The following TCF12 variants were observed in gnomAD, a reference collection of about 807,000 sequenced individuals.
TCF12 encodes the protein DNA-binding protein HTF4.
TCF12 carries 45 observed loss-of-function variants against 86.0 expected under a neutral mutation model. The ratio of observed to expected loss-of-function variants is 0.52; its 90% CI spans 0.41 to 0.67. The LOEUF is 0.67. Among genes scored for constraint, TCF12 ranks in the 30% least tolerant of loss-of-function variants. The probability of loss-of-function intolerance (pLI) is 0.00; values close to 1 mark genes in which losing one functional copy is unlikely to be tolerated. For synonymous variants in TCF12, 330 were observed against 299.6 expected (o/e 1.10, Z -1.05); for missense variants, 881 against 859.9 (o/e 1.02, Z -0.31).
intron 5 of TCF12, among the ~76,000 whole-genome samples, chr15:57,142,304 T>TATAGATTTATAGATAGATAGATAG (rs2053029071): frequency 6.7e-6 from 1 of 149,612 alleles, no homozygotes; most frequent in Admixed American, 6.7e-5. Flanking sequence ...CTCACACTTT[T>TATAGATTTATAGATAGATAGATAG]ATAGATAGAT....
rs772437682 is a variant in TCF12, at chr15:57,205,025, C to T, written c.579+7200C>T. 3.9e-5 allele frequency among the ~76,000 whole-genome samples: 6 copies of T among 151,954 alleles called. No homozygotes were observed. The East Asian group carries it at 5.8e-4, about 15-fold the overall frequency. On this transcript the variant is annotated intron_variant, in intron 8 of 20. Coordinates refer to ENST00000333725, the MANE Select transcript of TCF12 (RefSeq NM_207037.2). ...CAGAGTGTGTTTATAGGCAATTATC[C>T]GGCCCGGCCAGGCGCAGTGGCTCTC...
chr15:57,130,421 T>C (rs2052017205), intron 5 of TCF12, among the ~76,000 whole-genome samples: 1 of 152,190 alleles, frequency 6.6e-6, no homozygotes, highest in Admixed American at 6.5e-5. Context: ...GTTTTTTAAC[T>C]TCACACAACT....
At chr15:57,270,444 A>G (rs8031258) in intron 18 of TCF12, among the ~76,000 whole-genome samples, 2 of 152,126 alleles carry the variant, frequency 1.3e-5, no homozygotes, top group African/African-American at 2.4e-5. Context: ...TGGATATTCT[A>G]TTTAGCCATT....
chr15:57,021,175 G>A (rs1159894447), intron 3 of TCF12, among the ~76,000 whole-genome samples: 2 of 152,328 alleles, frequency 1.3e-5, no homozygotes, highest in East Asian at 3.9e-4. Flanking sequence ...GATATGGAAG[G>A]TGTGAGCATT....
At chr15:57,144,064 C>G (rs192475332) in intron 5 of TCF12, among the ~76,000 whole-genome samples, 2 of 152,256 alleles carry the variant, frequency 1.3e-5, no homozygotes, top group Admixed American at 6.5e-5. Context: ...GATAGCATAT[C>G]CTGATCCACC....
intron 16 of TCF12, among the ~76,000 whole-genome samples, chr15:57,260,278 A>G (rs912660740): frequency 3.3e-5 from 5 of 152,210 alleles, no homozygotes; most frequent in Non-Finnish European, 7.3e-5. Flanking sequence ...GACACTTTTT[A>G]ATAGTTGAGC....
At position 57,232,445 on chromosome 15, in the gene TCF12, G is replaced by C; in HGVS notation, c.825+15G>C. 2 of 1,587,098 alleles carry C rather than the reference G, an allele frequency of 1.3e-6. No homozygotes were observed. Among genetic ancestry groups the C allele is most frequent in the Non-Finnish European group, 8.5e-7 (1 of 1,170,732 alleles). ...ATGACCGCTTGGTAGGCTATAACAC[G>C]TGACTAGGGTACAGCAACACTTTGT... On this transcript the variant is annotated intron_variant, in intron 10 of 20. Transcript: ENST00000333725.
rs1440633253 is a variant in TCF12 at position 57,263,185 on chromosome 15, C to T, written c.1656C>T (p.Asn552=). The change falls in exon 18 of 21, where the codon AAC becomes AAT. Residue 552 remains asparagine, a synonymous_variant. Coordinates refer to ENST00000333725, the MANE Select transcript of TCF12 (RefSeq NM_207037.2). ...CTGAAAACAAAGAAAAGGATGAAAA[C>T]CTTCATGAACCTCCTTCATCAGATG... is the stretch of plus-strand genomic sequence containing the variant. ...IKTENKEKDE[N]LHEPPSSDDM... 16 of 1,613,238 alleles carry T rather than the reference C, an allele frequency of 9.9e-6. No individual in the cohort carries two copies. The highest frequency in any genetic ancestry group is 1.3e-5 in the African/African-American group (1 of 74,966).
At chr15:57,152,191 C>A (rs1198693850) in intron 5 of TCF12, among the ~76,000 whole-genome samples, 2 of 152,192 alleles carry the variant, frequency 1.3e-5, no homozygotes, top group Non-Finnish European at 2.9e-5. Context: ...TGGAAAGAGG[C>A]ATACCCACTT....
At chr15:57,058,202 C>T (rs2068184026) in intron 3 of TCF12, among the ~76,000 whole-genome samples, 1 of 152,188 alleles carries the variant, frequency 6.6e-6, no homozygotes, top group Non-Finnish European at 1.5e-5. Flanking sequence ...GGCCATCAGG[C>T]AGTTTCTGTT....
rs869113042 is a variant in TCF12 at position 57,136,958 on chromosome 15, G to GTTTTTTTTTTTTTTTTT, written c.326-29433_326-29432insTTTTTTTTTTTTTTTTT. Among the ~76,000 whole-genome samples, 22 of 83,044 alleles carry GTTTTTTTTTTTTTTTTT rather than the reference G, an allele frequency of 2.6e-4. 9 individuals carry two copies. The highest frequency in any genetic ancestry group is 8.7e-4 in the African/African-American group (18 of 20,800). 54.5% of individuals were successfully genotyped at this position (83,044 alleles called of 152,430 possible). On this transcript the variant is annotated intron_variant, in intron 5 of 20. Coordinates refer to ENST00000333725, the MANE Select transcript of TCF12 (RefSeq NM_207037.2). ...TAGACAATAGCCACTGCTTCTGGCAGTTTTTTTTTTTGTTTTTTTTTTTTT... is the reference window on the plus strand; with the variant it reads ...TAGACAATAGCCACTGCTTCTGGCAGTTTTTTTTTTTTTTTTTTTTTTTTTTTTGTTTTTTTTTTTTT...
intron 8 of TCF12, among the ~76,000 whole-genome samples, chr15:57,200,045 C>CTTTT (rs11380359): frequency 7.7e-6 from 1 of 130,178 alleles, no homozygotes; most frequent in African/African-American, 2.9e-5. Flanking sequence ...CCACGGCTGG[C>CTTTT]TTTTTTTTTT....
intron 5 of TCF12, among the ~76,000 whole-genome samples, chr15:57,135,797 G>T (rs1191051407): frequency 6.6e-6 from 1 of 152,018 alleles, no homozygotes; most frequent in Non-Finnish European, 1.5e-5. Context: ...TATCTGGTGG[G>T]AATAAGAAAA....
intron 5 of TCF12, among the ~76,000 whole-genome samples, chr15:57,144,430 T>C (rs773898228): frequency 2.6e-5 from 4 of 152,262 alleles, no homozygotes; most frequent in African/African-American, 4.8e-5. Flanking sequence ...GACATCTTAC[T>C]GTTTAATGTA....
At chr15:56,983,704 G>A (rs2063006003) in intron 3 of TCF12, among the ~76,000 whole-genome samples, 1 of 151,912 alleles carries the variant, frequency 6.6e-6, no homozygotes, top group Non-Finnish European at 1.5e-5. Context: ...GTGGATTTTA[G>A]GATTTTGTTC....
chr15:57,173,073 A>G lies in TCF12; in HGVS notation c.390+6607A>G, dbSNP rs1351041587. Among the ~76,000 whole-genome samples the G allele has an allele frequency of 1.3e-5, 2 of 152,234 alleles. 1 individual carries two copies. The highest frequency in any genetic ancestry group is 4.8e-5 in the African/African-American group (2 of 41,456). On this transcript the variant is annotated intron_variant, in intron 6 of 20. Coordinates refer to ENST00000333725, the MANE Select transcript of TCF12 (RefSeq NM_207037.2). ...TGCTGCACTCCAGCCTGGGCAACAGAGCAAGACTCTGTCTCAAAAACCAAT... is the reference window on the plus strand; with the variant it reads ...TGCTGCACTCCAGCCTGGGCAACAGGGCAAGACTCTGTCTCAAAAACCAAT...
At chr15:57,044,996 C>T (rs1454968067) in intron 3 of TCF12, among the ~76,000 whole-genome samples, 1 of 152,070 alleles carries the variant, frequency 6.6e-6, no homozygotes, top group Non-Finnish European at 1.5e-5. Flanking sequence ...TCACTAAATG[C>T]TTATTGAGTA....
intron 13 of TCF12, chr15:57,246,917 G>A (rs1375962652): frequency 1.2e-5 from 6 of 503,172 alleles, no homozygotes; most frequent in Non-Finnish European, 2.4e-5. Flanking sequence ...ACAACTCCTC[G>A]TTCTCTCTCC....
chr15:57,218,106 T>C (rs2058408432), intron 8 of TCF12, among the ~76,000 whole-genome samples: 1 of 152,186 alleles, frequency 6.6e-6, no homozygotes, highest in Admixed American at 6.5e-5. Context: ...ATTTGATCAA[T>C]ATGTTAGTAA....
Sources: gnomAD v4.1 joint callset for allele counts (sites outside exome capture counted in the v4.1 genomes callset) on GRCh38, gnomAD v4.1.1 for gene constraint, MANE v1.5 for transcripts, NCBI Gene and HGNC (gene_info 2026-07-23, HGNC 2026-07-21) for gene names.